Variants in FLRT1 observed in about 807,000 individuals in gnomAD.
The protein encoded by FLRT1 is leucine-rich repeat transmembrane protein FLRT1.
A neutral mutation model predicts 30.9 loss-of-function variants in FLRT1; 14 were observed. The observed-to-expected ratio is 0.45, with a 90% CI of 0.30 to 0.71. The LOEUF (loss-of-function observed/expected upper bound fraction) is 0.71. Ranked by LOEUF, FLRT1 falls within the 30% of genes least tolerant of loss-of-function variation. The pLI is 0.08. For missense variants in FLRT1, 737 were observed against 949.2 expected, an observed-to-expected ratio of 0.78 and a Z score of 2.94; for synonymous variants, 368 against 430.4, an observed-to-expected ratio of 0.85 and a Z score of 1.80.
intron 1 of FLRT1, among the ~76,000 whole-genome samples, chr11:64,071,847 A>C (rs1944113243): frequency 6.6e-6 from 1 of 152,136 alleles, no homozygotes; most frequent in Non-Finnish European, 1.5e-5. Context: ...CACCCAGGCC[A>C]GGCTGTGGGC....
At position 64,042,664 on chromosome 11, in the gene FLRT1, G is replaced by A. The variant is rs773918295; in HGVS notation, c.-1038+6505G>A. ...CTGCATGCCTCCTAGGCTGTCTACC[G>A]GTCCCAGGGAGATAGACAACACTCC... is the stretch of plus-strand genomic sequence containing the variant. On this transcript the variant is annotated intron_variant, in intron 1 of 2. Transcript: ENST00000682287. 5.9e-5 allele frequency among the ~76,000 whole-genome samples: 9 copies of A among 152,234 alleles called. No individual in the cohort carries two copies. The South Asian group carries it at 8.3e-4, about 14-fold the overall frequency.
rs1469491240 is a variant in FLRT1, at chr11:64,090,539, C to T, written c.-1037-12655C>T. 6.6e-6 allele frequency among the ~76,000 whole-genome samples: 1 copy of T among 152,146 alleles called. No individual in the cohort carries two copies. Among genetic ancestry groups the T allele is most frequent in the Admixed American group, 6.5e-5 (1 of 15,284 alleles). ...CGGGCCCTCCCTCGACCGGCTCTGC[C>T]TGCTCACAGGTGGCTGGGCCAGGAG... is the stretch of plus-strand genomic sequence containing the variant. On this transcript the variant is annotated intron_variant, in intron 1 of 2. Transcript: ENST00000682287. This position sits in a 1 kb window ranked among gnomAD's most constrained non-coding sequence, Gnocchi z 4.7.
Position 64,043,933 on chromosome 11 carries a change from C to T in FLRT1, c.-1038+7774C>T, listed in dbSNP as rs548895884. 1.4e-4 allele frequency among the ~76,000 whole-genome samples: 21 copies of T among 152,070 alleles called. No homozygotes were observed. The East Asian group carries it at 4.1e-3, about 30-fold the overall frequency. On this transcript the variant is annotated intron_variant, in intron 1 of 2. Coordinates refer to ENST00000682287, the MANE Select transcript of FLRT1 (RefSeq NM_013280.5). Reference sequence around the variant, plus strand: ...GGTTCAAGCTATTCTCCTGCCTCAGCCTCCCAAGTAGCTGGGACTACAGGT... The same window carrying T: ...GGTTCAAGCTATTCTCCTGCCTCAGTCTCCCAAGTAGCTGGGACTACAGGT...
intron 1 of FLRT1, among the ~76,000 whole-genome samples, chr11:64,043,152 A>C (rs1476040728): frequency 1.3e-5 from 2 of 152,130 alleles, no homozygotes; most frequent in South Asian, 4.1e-4. Flanking sequence ...ATACGTGCTG[A>C]CATCCCAGGG....
Position 64,118,097 on chromosome 11 carries a change from C to A in FLRT1, c.1830C>A (p.Ser610=). ...YMESGTKKDN[S]ILEIRGPGLQ... ...AGTCAGGGACCAAGAAGGATAACTC[C>A]ATCCTGGAAATCCGCGGCCCTGGGC... The change falls in exon 3 of 3, where the codon TCC becomes TCA. Residue 610 remains serine (S), a synonymous_variant. Coordinates refer to ENST00000682287, the MANE Select transcript of FLRT1 (RefSeq NM_013280.5). 3.1e-6 allele frequency: 5 copies of A among 1,611,640 alleles called. No individual in the cohort carries two copies. The highest frequency in any genetic ancestry group is 4.2e-6 in the Non-Finnish European group (5 of 1,178,240).
In FLRT1 at chr11:64,082,408, G is replaced by T. The variant is rs747428002; in HGVS notation, c.-1037-20786G>T. On this transcript the variant is annotated intron_variant, in intron 1 of 2. Transcript: ENST00000682287. This position sits in a 1 kb window ranked among gnomAD's most constrained non-coding sequence, Gnocchi z 4.5. ...GATGGCTGGGAGGGAGCCTGAAGTG[G>T]GGGCGTCCTAAGGTGAGGGGCAGGC... Among the ~76,000 whole-genome samples the T allele has an allele frequency of 6.6e-6, 1 of 152,000 alleles. No homozygotes were observed. The highest frequency in any genetic ancestry group is 1.5e-5 in the Non-Finnish European group (1 of 67,980).
chr11:64,117,746 G>C lies in FLRT1; in HGVS notation c.1479G>C (p.Leu493=). The change falls in exon 3 of 3, where the codon CTG becomes CTC. Residue 493 remains leucine, a synonymous_variant. Coordinates refer to ENST00000682287, the MANE Select transcript of FLRT1 (RefSeq NM_013280.5). ...TLVQGDKTEY[L]LTALEPKSTY... is the part of the protein sequence containing the mutation. ...TGCAGGGGGACAAGACAGAGTACCT[G>C]CTGACAGCCCTGGAGCCCAAGTCCA... is the stretch of plus-strand genomic sequence containing the variant. 6.2e-7 allele frequency: 1 copy of C among 1,614,014 alleles called. No individual in the cohort carries two copies.
chr11:64,097,959 C>T (rs1380765438), intron 1 of FLRT1, among the ~76,000 whole-genome samples: 1 of 152,168 alleles, frequency 6.6e-6, no homozygotes, highest in African/African-American at 2.4e-5. Context: ...CCACTCAGCA[C>T]CCAGGCCTGT....
At chr11:64,069,729 C>T (rs971045979) in intron 1 of FLRT1, among the ~76,000 whole-genome samples, 4 of 152,160 alleles carry the variant, frequency 2.6e-5, no homozygotes, top group Non-Finnish European at 4.4e-5. Flanking sequence ...CCCCCGGGCC[C>T]GGCCCCGGCA....
At chr11:64,057,174 A>G (rs927740825) in intron 1 of FLRT1, among the ~76,000 whole-genome samples, 1 of 152,192 alleles carries the variant, frequency 6.6e-6, no homozygotes, top group Non-Finnish European at 1.5e-5. Context: ...GGCCACAGCC[A>G]GCCCCGTGTT....
At chr11:64,088,283 TG>T (rs1464546527) in intron 1 of FLRT1, among the ~76,000 whole-genome samples, 1 of 150,948 alleles carries the variant, frequency 6.6e-6, no homozygotes, top group African/African-American at 2.4e-5. Context: ...AGCCAGGAGA[TG>T]GGGGGACCTT....
intron 2 of FLRT1, among the ~76,000 whole-genome samples, chr11:64,112,556 G>A (rs760680979): frequency 7.9e-5 from 12 of 152,136 alleles, no homozygotes; most frequent in Non-Finnish European, 1.6e-4. Flanking sequence ...GATAAAACAC[G>A]TAGTGTGTTA....
intron 1 of FLRT1, among the ~76,000 whole-genome samples, chr11:64,046,859 G>T (rs1335938926): frequency 3.9e-5 from 6 of 152,146 alleles, no homozygotes; most frequent in Admixed American, 3.3e-4. Flanking sequence ...CCCCATCCCT[G>T]CCTCTCCCCA....
rs192379110 is a variant in FLRT1, at chr11:64,110,552, T to C, written c.-49-5667T>C. Among the ~76,000 whole-genome samples, 968 of 151,824 alleles carry C rather than the reference T, an allele frequency of 6.4e-3. 31 individuals are homozygous for C. The highest frequency in any genetic ancestry group is 5.1e-3 in the Non-Finnish European group (346 of 67,972). On this transcript the variant is annotated intron_variant, in intron 2 of 2. Coordinates refer to ENST00000682287, the MANE Select transcript of FLRT1 (RefSeq NM_013280.5). ...GAGGTTGGCAGGGGACAACGACTGATAGAGCCAAGAATAATGCCAAGAATA... is the reference window on the plus strand; with the variant it reads ...GAGGTTGGCAGGGGACAACGACTGACAGAGCCAAGAATAATGCCAAGAATA...
intron 1 of FLRT1, among the ~76,000 whole-genome samples, chr11:64,088,586 G>A (rs1944435703): frequency 2.7e-5 from 4 of 149,430 alleles, no homozygotes; most frequent in Admixed American, 2.7e-4. Flanking sequence ...CCTGGAGCAG[G>A]TCTCTCCTCC....
intron 1 of FLRT1, among the ~76,000 whole-genome samples, chr11:64,047,893 G>A (rs1269670561): frequency 9.4e-5 from 12 of 128,312 alleles, no homozygotes; most frequent in Non-Finnish European, 1.3e-4. Flanking sequence ...GTGAAACTCC[G>A]TCTCAAAAAA....
At chr11:64,080,614 G>GGGTTACGTTTATGATAC (rs1309017263) in intron 1 of FLRT1, among the ~76,000 whole-genome samples, 3 of 152,186 alleles carry the variant, frequency 2.0e-5, no homozygotes, top group African/African-American at 7.2e-5. Flanking sequence ...CAGCAAGGGA[G>GGGTTACGTTTATGATAC]GGTTACGTTT....
chr11:64,116,127 A>G, intron 2 of FLRT1, 92 bp from the exon 3 acceptor site: 4 of 1,334,642 alleles, frequency 3.0e-6, no homozygotes, highest in East Asian at 2.4e-5. Flanking sequence ...ACCCCTTGGT[A>G]CAGGCTGGCA....
chr11:64,070,121 C>T (rs930576098), intron 1 of FLRT1, among the ~76,000 whole-genome samples: 1 of 152,174 alleles, frequency 6.6e-6, no homozygotes, highest in African/African-American at 2.4e-5. Flanking sequence ...TATTATACCC[C>T]TTACATAGAT....
Sources: allele counts gnomAD v4.1 joint callset (sites outside exome capture counted in the v4.1 genomes callset), GRCh38; gene constraint gnomAD v4.1.1; non-coding constraint Gnocchi (gnomAD v3.1); transcripts MANE v1.5; gene names NCBI Gene and HGNC (gene_info 2026-07-23, HGNC 2026-07-21).